Variants in MBD5 observed in about 807,000 individuals in gnomAD.
The protein encoded by MBD5 is methyl-CpG binding domain protein 5.
MBD5 carries 13 observed loss-of-function variants against 117.3 expected under a neutral mutation model. The observed-to-expected ratio is 0.11, with a 90% confidence interval of 0.07 to 0.18. The LOEUF (loss-of-function observed/expected upper bound fraction) is 0.18, where lower values mean the gene tolerates loss of function less well. Ranked by LOEUF, MBD5 falls within the 10% of genes least tolerant of loss-of-function variation. The pLI is 1.00. For missense variants in MBD5, 1,879 were observed against 2,093.8 expected, an observed-to-expected ratio of 0.90 and a Z score of 2.00; for synonymous variants, 727 against 766.4, an observed-to-expected ratio of 0.95 and a Z score of 0.85.
chr2:148,205,919 T>G (rs903483410), intron 2 of MBD5, among the ~76,000 whole-genome samples: 1 of 151,920 alleles, frequency 6.6e-6, no homozygotes, highest in Non-Finnish European at 1.5e-5. Context: ...GGTGGGAGGA[T>G]CACTTGAGCC....
Position 148,515,964 on chromosome 2 carries a change from GA to G in MBD5, c.*3027del, listed in dbSNP as rs1682336038. The G allele has an allele frequency of 6.6e-6, 1 of 152,180 alleles. No individual in the cohort carries two copies. The highest frequency in any genetic ancestry group is 6.5e-5 in the Admixed American group (1 of 15,286). The allele number at this position is 152,180 out of a possible 1,614,324, so 9.4% of individuals were successfully genotyped here. A position where few individuals can be genotyped will look rare whatever the true frequency, so the allele number is the denominator to read the frequency against. ...TGTACTTTTCAGTGCCATTATGAAT[GA>G]AAATGTTTTAAGAACATTCATCCCT... On this transcript the variant is annotated 3_prime_UTR_variant, in exon 14 of 14. Transcript: ENST00000642680.
chr2:148,493,169 A>G (rs146286196), intron 11 of MBD5, among the ~76,000 whole-genome samples: 20 of 152,332 alleles, frequency 1.3e-4, no homozygotes, highest in African/African-American at 3.8e-4. Context: ...CTAATGTGCA[A>G]TGTGGGATCA....
At chr2:148,229,134 T>C (rs936787570) in intron 2 of MBD5, among the ~76,000 whole-genome samples, 13 of 152,104 alleles carry the variant, frequency 8.5e-5, no homozygotes, top group Non-Finnish European at 1.6e-4. Flanking sequence ...TTTCTTGCAT[T>C]TTGAGGCTAT....
chr2:148,252,198 C>T (rs1176172060), intron 3 of MBD5, among the ~76,000 whole-genome samples: 2 of 152,166 alleles, frequency 1.3e-5, no homozygotes, highest in Admixed American at 6.5e-5. Context: ...CACGGTGACT[C>T]ACGCCTGTAA....
At chr2:148,398,369 T>C (rs1228935462) in intron 4 of MBD5, among the ~76,000 whole-genome samples, 2 of 151,678 alleles carry the variant, frequency 1.3e-5, no homozygotes, top group African/African-American at 2.4e-5. Flanking sequence ...TGGTATCTCA[T>C]TGTGGTTTTG....
At chr2:148,088,534 CA>C (rs1458786624) in intron 1 of MBD5, among the ~76,000 whole-genome samples, 2 of 152,118 alleles carry the variant, frequency 1.3e-5, no homozygotes, top group Non-Finnish European at 2.9e-5. Flanking sequence ...CTACAAGCCA[CA>C]AGGGACTAGG....
intron 4 of MBD5, among the ~76,000 whole-genome samples, chr2:148,367,156 G>C (rs1447138232): frequency 6.6e-6 from 1 of 151,926 alleles, no homozygotes; most frequent in Non-Finnish European, 1.5e-5. Context: ...CAGAACAGAG[G>C]CCTCAGAAAT....
chr2:148,458,632 A>T lies in MBD5; in HGVS notation c.-127A>T. On this transcript the variant is annotated 5_prime_UTR_variant, in exon 5 of 14. An upstream start codon of the reference 5' UTR is lost. Coordinates refer to ENST00000642680, the MANE Select transcript of MBD5 (RefSeq NM_001378120.1). ...TTCCAAACTGAGCTGAAGCTTCCCA[A>T]TGCGTTTTGTACAGTCTGGGAAAAA... 2 of 773,392 alleles carry T rather than the reference A, an allele frequency of 2.6e-6. No homozygotes were observed. Among genetic ancestry groups the T allele is most frequent in the South Asian group, 2.9e-5 (2 of 68,938 alleles). The allele number at this position is 773,392 out of a possible 1,614,324, so 47.9% of individuals were successfully genotyped here. A position where few individuals can be genotyped will look rare whatever the true frequency, so the allele number is the denominator to read the frequency against.
intron 1 of MBD5, among the ~76,000 whole-genome samples, chr2:148,148,388 G>C (rs974420699): frequency 4.6e-5 from 7 of 152,174 alleles, no homozygotes; most frequent in Admixed American, 2.6e-4. Context: ...AAGAGGATGG[G>C]ATTAGTGCAA....
At chr2:148,390,658 C>T (rs1051841643) in intron 4 of MBD5, among the ~76,000 whole-genome samples, 5 of 151,516 alleles carry the variant, frequency 3.3e-5, no homozygotes, top group Admixed American at 2.0e-4. Context: ...TCACGGTAAC[C>T]GTGACCTCCT....
chr2:148,439,737 C>CTTT (rs761911302), intron 4 of MBD5, among the ~76,000 whole-genome samples: 29 of 130,646 alleles, frequency 2.2e-4, no homozygotes, highest in Non-Finnish European at 2.8e-4. Flanking sequence ...CATTCTCTCT[C>CTTT]TTTTTTTTTT....
intron 4 of MBD5, among the ~76,000 whole-genome samples, chr2:148,454,773 G>A (rs955906222): frequency 6.6e-6 from 1 of 152,050 alleles, no homozygotes; most frequent in Non-Finnish European, 1.5e-5. Flanking sequence ...AGTAGTGGAT[G>A]TTGTTGTTTA....
intron 3 of MBD5, among the ~76,000 whole-genome samples, chr2:148,284,345 A>G (rs1701322572): frequency 6.6e-6 from 1 of 152,336 alleles, no homozygotes; most frequent in South Asian, 2.1e-4. Flanking sequence ...TCTCTAAGAT[A>G]CATTTCCAAA....
At chr2:148,095,257 A>G (rs1022837960) in intron 1 of MBD5, among the ~76,000 whole-genome samples, 13 of 152,310 alleles carry the variant, frequency 8.5e-5, no homozygotes, top group Middle Eastern at 6.8e-3. Context: ...GTGAATATTC[A>G]GATAACATTT....
intron 3 of MBD5, among the ~76,000 whole-genome samples, chr2:148,325,482 GT>G (rs1276728162): frequency 6.6e-6 from 1 of 150,434 alleles, no homozygotes; most frequent in Non-Finnish European, 1.5e-5. Context: ...TTTTTCGTTG[GT>G]AAGCTATTGA....
intron 3 of MBD5, among the ~76,000 whole-genome samples, chr2:148,286,272 T>A (rs144473328): frequency 6.6e-6 from 1 of 152,248 alleles, no homozygotes; most frequent in Non-Finnish European, 1.5e-5. Context: ...ATCTGATATG[T>A]TTATTATTTC....
chr2:148,242,061 T>C (rs1215373363), intron 3 of MBD5, among the ~76,000 whole-genome samples: 3 of 152,352 alleles, frequency 2.0e-5, no homozygotes, highest in Non-Finnish European at 2.9e-5. Context: ...TGTTTATTAC[T>C]GTGTTACTCC....
chr2:148,490,600 C>G lies in MBD5; in HGVS notation c.4962+6C>G. 1 of 1,614,078 alleles carries G rather than the reference C, an allele frequency of 6.2e-7. No homozygotes were observed. Among genetic ancestry groups the G allele is most frequent in the Non-Finnish European group, 8.5e-7 (1 of 1,180,010 alleles). On this transcript the variant is annotated splice_donor_region_variant and intron_variant, in intron 11 of 13. Coordinates refer to ENST00000642680, the MANE Select transcript of MBD5 (RefSeq NM_001378120.1). The stretch of plus-strand genomic sequence containing the variant: ...AAAGCCCCGAGGAAGGGAAGGTATA[C>G]CAATCTTTATCCATTGTCAAATACT...
At chr2:148,048,278 A>G (rs184739225) in intron 1 of MBD5, among the ~76,000 whole-genome samples, 3 of 152,318 alleles carry the variant, frequency 2.0e-5, no homozygotes, top group Admixed American at 6.5e-5. Flanking sequence ...GTTAACATAT[A>G]TTAAGGCTCC....
Sources: allele counts gnomAD v4.1 joint callset (sites outside exome capture counted in the v4.1 genomes callset), GRCh38; gene constraint gnomAD v4.1.1; transcripts MANE v1.5; gene names NCBI Gene and HGNC (gene_info 2026-07-23, HGNC 2026-07-21).